The following POLDIP2 variants were observed in gnomAD, a reference collection of about 807,000 sequenced individuals.
POLDIP2 encodes the protein DNA polymerase delta interacting protein 2.
Under a neutral mutation model 52.9 loss-of-function variants are expected in POLDIP2, and 32 were observed. The ratio of observed to expected loss-of-function variants is 0.61; its 90% CI spans 0.46 to 0.81. POLDIP2 has a LOEUF of 0.81. Among genes scored for constraint, POLDIP2 ranks in the 40% least tolerant of loss-of-function variants. The probability of loss-of-function intolerance (pLI) is 0.00; values close to 1 mark genes in which losing one functional copy is unlikely to be tolerated. For synonymous variants in POLDIP2, 183 were observed against 183.0 expected (o/e 1.00, Z 0.00); for missense variants, 371 against 477.3 (o/e 0.78, Z 2.07).
At chr17:28,356,355 T>C (rs1597803193) in intron 1 of POLDIP2, among the ~76,000 whole-genome samples, 4 of 152,276 alleles carry the variant, frequency 2.6e-5, no homozygotes. Flanking sequence ...ATACTGTAAA[T>C]TCCCTGGGAG....
chr17:28,349,223 AG>A, intron 9 of POLDIP2, 61 bp from the exon 10 acceptor site: 6 of 1,233,718 alleles, frequency 4.9e-6, no homozygotes, highest in Non-Finnish European at 7.0e-6. Flanking sequence ...CCTGCACCCC[AG>A]GGTTACATGC....
At chr17:28,351,848 A>G (rs1305520526) in intron 6 of POLDIP2, 48 bp from the exon 7 acceptor site, 8 of 1,560,010 alleles carry the variant, frequency 5.1e-6, no homozygotes, top group Non-Finnish European at 4.4e-6. Flanking sequence ...TGTGGATACA[A>G]TTGTATCTAG....
Position 28,355,841 on chromosome 17 carries a change from C to A in POLDIP2, c.197G>T (p.Gly66Val). 6.2e-7 allele frequency: 1 copy of A among 1,613,072 alleles called. No homozygotes were observed. The highest frequency in any genetic ancestry group is 8.5e-7 in the Non-Finnish European group (1 of 1,179,562). ...ATTCTGTTTTGGCACCTCAAACACA[C>A]CAACTGTCTCCAACACTTTGCCCTC... ...RPEGKVLETV[G>V]VFEVPKQNGK... The change falls in exon 2 of 11, where the codon GGT becomes GTT. Residue 66 changes from glycine to valine, a missense_variant. By Grantham distance (109) the Gly-to-Val change is moderately radical (BLOSUM62 -3). Coordinates refer to ENST00000540200, the MANE Select transcript of POLDIP2 (RefSeq NM_015584.5).
Position 28,354,575 on chromosome 17 carries a change from T to C in POLDIP2, c.254A>G (p.His85Arg). ...GKYETGQLFLHSIFGYRGVVL... is the reference protein window; with the variant it reads ...GKYETGQLFLRSIFGYRGVVL... ...GACACCTCGGTAGCCAAAAATGCTA[T>C]GAAGGAAAAGCTGGAAGGAAAGAGG... The change falls in exon 3 of 11, where the codon CAT becomes CGT. Residue 85 changes from histidine to arginine, a missense_variant. His to Arg is a conservative substitution (Grantham distance 29). Transcript: ENST00000540200. 1.9e-6 allele frequency: 3 copies of C among 1,556,966 alleles called. No individual in the cohort carries two copies. Among genetic ancestry groups the C allele is most frequent in the South Asian group, 1.2e-5 (1 of 84,322 alleles).
At chr17:28,356,196 G>C (rs138300608) in intron 1 of POLDIP2, among the ~76,000 whole-genome samples, 2 of 151,844 alleles carry the variant, frequency 1.3e-5, no homozygotes, top group Non-Finnish European at 2.9e-5. Flanking sequence ...ACCTCCCACA[G>C]CACTTTAACT....
chr17:28,350,329 G>T, intron 9 of POLDIP2, 109 bp downstream of exon 9: 1 of 910,278 alleles, frequency 1.1e-6, no homozygotes, highest in Non-Finnish European at 1.6e-6. Context: ...ACAACACAAT[G>T]TATTCACAAA....
chr17:28,352,598 TGCAATCTCG>T lies in POLDIP2; in HGVS notation c.622+305_622+313del, dbSNP rs1245966877. On this transcript the variant is annotated intron_variant, in intron 6 of 10. Coordinates refer to ENST00000540200, the MANE Select transcript of POLDIP2 (RefSeq NM_015584.5). The stretch of plus-strand genomic sequence containing the variant: ...TGTTGCCCAGGCTGGAATGCAATGG[TGCAATCTCG>T]GCTCACTGCAACCTCCACCCTCCTG... Among the ~76,000 whole-genome samples, 3 of 145,384 alleles carry T rather than the reference TGCAATCTCG, an allele frequency of 2.1e-5. No individual in the cohort carries two copies. In the East Asian group the frequency reaches 6.6e-4, roughly 32 times the overall value.
chr17:28,353,134 T>A (rs993220528), intron 5 of POLDIP2, 107 bp downstream of exon 5: 3 of 753,880 alleles, frequency 4.0e-6, no homozygotes, highest in Non-Finnish European at 7.2e-6. Flanking sequence ...ATATCATACC[T>A]CTCAGCATCA....
At chr17:28,353,185 C>A in intron 5 of POLDIP2, 56 bp downstream of exon 5, 1 of 884,254 alleles carries the variant, frequency 1.1e-6, no homozygotes, top group East Asian at 2.5e-5. Context: ...GAATCCTCTC[C>A]CTGAGACACA....
rs1907769928 is a variant in POLDIP2, at chr17:28,350,805, C to G, written c.760-13G>C. 6.3e-7 allele frequency: 1 copy of G among 1,579,370 alleles called. No individual in the cohort carries two copies. The highest frequency in any genetic ancestry group is 1.4e-5 in the African/African-American group (1 of 73,796). ...AATTCTGGGCTTCCTAGGGAGAAAA[C>G]AAAAAGAATTTAAGTCCCACAGGGC... is the stretch of plus-strand genomic sequence containing the variant. On this transcript the variant is annotated splice_polypyrimidine_tract_variant and intron_variant, in intron 7 of 10. Transcript: ENST00000540200.
chr17:28,352,890 T>C, intron 6 of POLDIP2, 22 bp downstream of exon 6: 1 of 1,473,438 alleles, frequency 6.8e-7, no homozygotes, highest in Non-Finnish European at 9.5e-7. Flanking sequence ...CCATTCCACC[T>C]CCCCTTCTTG....
At chr17:28,353,155 C>A in intron 5 of POLDIP2, 86 bp downstream of exon 5, 1 of 770,846 alleles carries the variant, frequency 1.3e-6, no homozygotes, top group South Asian at 1.4e-5. Context: ...TAATCCCTCC[C>A]AGTGGATGAC....
At chr17:28,348,768 A>G (rs1353803488) in intron 10 of POLDIP2, among the ~76,000 whole-genome samples, 5 of 152,324 alleles carry the variant, frequency 3.3e-5, no homozygotes, top group East Asian at 1.9e-4. Context: ...TACATACTGC[A>G]TAAGCTAGCC....
At chr17:28,349,877 T>A (rs75296893) in intron 9 of POLDIP2, among the ~76,000 whole-genome samples, 1 of 152,234 alleles carries the variant, frequency 6.6e-6, no homozygotes, top group Non-Finnish European at 1.5e-5. Flanking sequence ...CTTGTTCTTA[T>A]TCACTTGCCC....
chr17:28,352,332 G>A (rs1228981237), intron 6 of POLDIP2, among the ~76,000 whole-genome samples: 1 of 139,004 alleles, frequency 7.2e-6, no homozygotes, highest in African/African-American at 2.8e-5. Flanking sequence ...GTGCCTCCCG[G>A]GTTCAAGCAA....
At chr17:28,351,622 G>T in intron 7 of POLDIP2, 42 bp downstream of exon 7, 2 of 1,600,884 alleles carry the variant, frequency 1.2e-6, no homozygotes, top group Non-Finnish European at 8.5e-7. Context: ...CATACACCTT[G>T]GGGCCTACCC....
chr17:28,350,836 C>G, intron 7 of POLDIP2, 44 bp from the exon 8 acceptor site: 1 of 1,507,352 alleles, frequency 6.6e-7, no homozygotes, highest in East Asian at 2.4e-5. Flanking sequence ...AGGGCAAGAC[C>G]AAGTGTGTTC....
intron 2 of POLDIP2, among the ~76,000 whole-genome samples, chr17:28,355,488 T>A (rs935929312): frequency 3.8e-4 from 58 of 152,108 alleles, no homozygotes; most frequent in African/African-American, 1.4e-3. Context: ...ATGCTTGTAA[T>A]CCCAGCTACT....
Position 28,357,512 on chromosome 17 carries a change from G to T in POLDIP2, c.-64C>A. On this transcript the variant is annotated 5_prime_UTR_variant, in exon 1 of 11. Coordinates refer to ENST00000540200, the MANE Select transcript of POLDIP2 (RefSeq NM_015584.5). ...CCGACCCGCGGCCGGGCGGCGTTCC[G>T]CCCCAGTCCCACACTGCCCCGCGCG... 6.9e-7 allele frequency: 1 copy of T among 1,440,880 alleles called. No individual in the cohort carries two copies. The highest frequency in any genetic ancestry group is 9.0e-7 in the Non-Finnish European group (1 of 1,106,742). 89.3% of individuals were successfully genotyped at this position (1,440,880 alleles called of 1,614,324 possible).
Sources: gnomAD v4.1 joint callset for allele counts (sites outside exome capture counted in the v4.1 genomes callset) on GRCh38, gnomAD v4.1.1 for gene constraint, MANE v1.5 for transcripts, NCBI Gene and HGNC (gene_info 2026-07-23, HGNC 2026-07-21) for gene names.